Variants in STK32A observed in about 807,000 individuals in gnomAD.
STK32A encodes serine/threonine-protein kinase 32A.
Under a neutral mutation model 53.2 loss-of-function variants are expected in STK32A, and 41 were observed. The observed-to-expected ratio is 0.77, with a 90% confidence interval of 0.60 to 1.00. The LOEUF is 1.00. STK32A is among the 50% of genes least tolerant of loss of function. The pLI is 0.00. For missense variants in STK32A, 458 were observed against 485.8 expected (o/e 0.94, Z 0.54); for synonymous variants, 166 against 162.8 (o/e 1.02, Z -0.15).
intron 2 of STK32A, among the ~76,000 whole-genome samples, chr5:147,253,766 T>C (rs1362274752): frequency 6.6e-6 from 1 of 152,220 alleles, no homozygotes; most frequent in Non-Finnish European, 1.5e-5. Flanking sequence ...TGTGCCTTAG[T>C]TGATGGCCCA....
intron 4 of STK32A, 139 bp from the exon 5 acceptor site, chr5:147,323,759 A>T: frequency 1.6e-6 from 1 of 642,716 alleles, no homozygotes; most frequent in Non-Finnish European, 2.6e-6. Flanking sequence ...TGATAGAGCT[A>T]GTGATAGACC....
chr5:147,356,788 C>G (rs1756270021), intron 7 of STK32A, among the ~76,000 whole-genome samples: 1 of 151,696 alleles, frequency 6.6e-6, no homozygotes, highest in Admixed American at 6.6e-5. Flanking sequence ...CAGTATAGTG[C>G]AAATATTTCA....
At position 147,312,243 on chromosome 5, in the gene STK32A, G is replaced by T. The variant is rs1289044403; in HGVS notation, c.261-11655G>T. 2.0e-5 allele frequency among the ~76,000 whole-genome samples: 3 copies of T among 152,072 alleles called. No homozygotes were observed. The East Asian group carries it at 5.8e-4, about 29-fold the overall frequency. ...AGCCTCCAAAGTAGCTGGAATACAGGAGCCTGCCACCATGCCCAGCTAATT... is the reference window on the plus strand; with the variant it reads ...AGCCTCCAAAGTAGCTGGAATACAGTAGCCTGCCACCATGCCCAGCTAATT... On this transcript the variant is annotated intron_variant, in intron 4 of 12. Coordinates refer to ENST00000397936, the MANE Select transcript of STK32A (RefSeq NM_001112724.2).
intron 4 of STK32A, among the ~76,000 whole-genome samples, chr5:147,317,381 G>T (rs1006777320): frequency 7.6e-6 from 1 of 131,870 alleles, no homozygotes; most frequent in African/African-American, 3.0e-5. Context: ...AGGCTAGAGT[G>T]CAGTGGTGTG....
At chr5:147,279,221 TC>T in intron 3 of STK32A, 25 bp from the exon 4 acceptor site, 1 of 1,589,810 alleles carries the variant, frequency 6.3e-7, no homozygotes, top group East Asian at 2.3e-5. Flanking sequence ...CCCTAATCAC[TC>T]TCTCACTCGG....
rs529017020 is a variant in STK32A at position 147,292,286 on chromosome 5, G to A, written c.260+12888G>A. Among the ~76,000 whole-genome samples the A allele has an allele frequency of 1.3e-5, 2 of 152,304 alleles. 1 individual carries two copies. Among genetic ancestry groups the A allele is most frequent in the South Asian group, 4.1e-4 (2 of 4,828 alleles). On this transcript the variant is annotated intron_variant, in intron 4 of 12. Transcript: ENST00000397936. Reference sequence around the variant, plus strand: ...ATTTCACCCAAAGCCTTGGTAAAATGACCAGCCTTAGTAAAATGACCAGTG... The same window carrying A: ...ATTTCACCCAAAGCCTTGGTAAAATAACCAGCCTTAGTAAAATGACCAGTG...
chr5:147,303,255 A>G (rs1753229323), intron 4 of STK32A, among the ~76,000 whole-genome samples: 1 of 152,330 alleles, frequency 6.6e-6, no homozygotes, highest in Admixed American at 6.5e-5. Context: ...GCAAGTATTG[A>G]TGTCTCATGA....
At chr5:147,286,473 ACACC>A (rs1561694319) in intron 4 of STK32A, among the ~76,000 whole-genome samples, 2 of 152,146 alleles carry the variant, frequency 1.3e-5, no homozygotes, top group Non-Finnish European at 2.9e-5. Flanking sequence ...AGCTTGGCTT[ACACC>A]CTGGTTTTTC....
chr5:147,319,533 A>C (rs1754194787), intron 4 of STK32A, among the ~76,000 whole-genome samples: 1 of 152,156 alleles, frequency 6.6e-6, no homozygotes, highest in Non-Finnish European at 1.5e-5. Flanking sequence ...TAGGTGCACA[A>C]TACTAGTTTT....
At chr5:147,330,685 G>A (rs1351390419) in intron 5 of STK32A, among the ~76,000 whole-genome samples, 1 of 152,164 alleles carries the variant, frequency 6.6e-6, no homozygotes, top group African/African-American at 2.4e-5. Context: ...AAGATTCTAG[G>A]ATGATTTCCT....
intron 5 of STK32A, among the ~76,000 whole-genome samples, chr5:147,341,482 G>T (rs1440941168): frequency 6.6e-6 from 1 of 152,118 alleles, no homozygotes; most frequent in African/African-American, 2.4e-5. Flanking sequence ...GCAGAAATTA[G>T]AAAAATTTTT....
At position 147,383,876 on chromosome 5, in the gene STK32A, C is replaced by A. The variant is rs7727024; in HGVS notation, c.1098-14C>A. ...CAAAGAATAAAACATCTTTTTTTTT[C>A]TTTTCTTTTTAAGAGTAAACAGGGA... On this transcript the variant is annotated splice_polypyrimidine_tract_variant and intron_variant, in intron 12 of 12. Coordinates refer to ENST00000397936, the MANE Select transcript of STK32A (RefSeq NM_001112724.2). 2 of 1,435,386 alleles carry A rather than the reference C, an allele frequency of 1.4e-6. No individual in the cohort carries two copies. Among genetic ancestry groups the A allele is most frequent in the Admixed American group, 2.4e-5 (1 of 41,400 alleles). 88.9% of individuals were successfully genotyped at this position (1,435,386 alleles called of 1,614,324 possible).
chr5:147,389,762 T>G (rs1757753521), downstream of STK32A, among the ~76,000 whole-genome samples: 1 of 152,084 alleles, frequency 6.6e-6, no homozygotes, highest in African/African-American at 2.4e-5. Context: ...TCCCAGCTAC[T>G]CAGGAGACTG....
chr5:147,253,856 T>C (rs868408114), intron 2 of STK32A, among the ~76,000 whole-genome samples: 1 of 152,146 alleles, frequency 6.6e-6, no homozygotes, highest in Non-Finnish European at 1.5e-5. Flanking sequence ...CGTATATCAT[T>C]TTATTTTCAT....
At chr5:147,383,364 C>T (rs770868953) in intron 11 of STK32A, 77 bp from the exon 12 acceptor site, 308 of 1,200,092 alleles carry the variant, frequency 2.6e-4, no homozygotes, top group Non-Finnish European at 3.5e-4. Context: ...TAGACTGTCA[C>T]CAGGTTATTG....
intron 5 of STK32A, among the ~76,000 whole-genome samples, chr5:147,339,076 G>A (rs1561731494): frequency 6.6e-6 from 1 of 152,198 alleles, no homozygotes; most frequent in Non-Finnish European, 1.5e-5. Flanking sequence ...TGGCCAAGAC[G>A]ATGGGGAAAA....
chr5:147,341,876 AG>A (rs1288732911), intron 5 of STK32A, among the ~76,000 whole-genome samples: 1 of 152,196 alleles, frequency 6.6e-6, no homozygotes, highest in Admixed American at 6.5e-5. Context: ...AAAATAGCAA[AG>A]TAAAAAAAAT....
chr5:147,296,595 A>G (rs1435346356), intron 4 of STK32A, among the ~76,000 whole-genome samples: 2 of 152,034 alleles, frequency 1.3e-5, no homozygotes, highest in Non-Finnish European at 2.9e-5. Context: ...TTTGCCTCTT[A>G]GTGTGCATGC....
At chr5:147,354,474 C>T (rs925240848) in intron 7 of STK32A, among the ~76,000 whole-genome samples, 1 of 152,144 alleles carries the variant, frequency 6.6e-6, no homozygotes, top group African/African-American at 2.4e-5. Context: ...CATTTCTAGT[C>T]TTCTCACAAG....
Sources: allele counts gnomAD v4.1 joint callset (sites outside exome capture counted in the v4.1 genomes callset), GRCh38; gene constraint gnomAD v4.1.1; transcripts MANE v1.5; gene names NCBI Gene and HGNC (gene_info 2026-07-23, HGNC 2026-07-21).